Variants in PPIH observed in about 807,000 individuals in gnomAD.
PPIH encodes peptidyl-prolyl cis-trans isomerase H.
PPIH carries 16 observed loss-of-function variants against 27.6 expected under a neutral mutation model. The ratio of observed to expected loss-of-function variants is 0.58; its 90% confidence interval spans 0.39 to 0.88. PPIH has a LOEUF of 0.88. Among genes scored for constraint, PPIH ranks in the 40% least tolerant of loss-of-function variants. PPIH has a pLI of 0.00. For synonymous variants in PPIH, 63 were observed against 76.1 expected (o/e 0.83, Z 0.90); for missense variants, 155 against 224.1 (o/e 0.69, Z 1.97).
At chr1:42,671,902 G>A (rs1286811899) in intron 9 of PPIH, among the ~76,000 whole-genome samples, 3 of 136,026 alleles carry the variant, frequency 2.2e-5, no homozygotes, top group African/African-American at 2.8e-5. Context: ...TTTTTTTTTC[G>A]AGACGGAGTC....
intron 2 of PPIH, 94 bp from the exon 3 acceptor site, chr1:42,659,134 T>TTGCTGGC: frequency 6.4e-7 from 1 of 1,566,792 alleles, no homozygotes; most frequent in Non-Finnish European, 8.7e-7. Context: ...ATTGGTGGAC[T>TTGCTGGC]TGCTGGCTCC....
At chr1:42,679,982 T>A (rs2148731989), downstream of PPIH, among the ~76,000 whole-genome samples, 1 of 152,340 alleles carries the variant, frequency 6.6e-6, no homozygotes, top group South Asian at 2.1e-4. Context: ...ACGAATCTTT[T>A]AAGGTATTAT....
chr1:42,681,600 T>C (rs933267648), downstream of PPIH: 1 of 152,158 alleles, frequency 6.6e-6, no homozygotes, highest in Non-Finnish European at 1.5e-5. Context: ...GTTGCAGGAA[T>C]AAAGTGAAAA....
intron 4 of PPIH, 86 bp downstream of exon 4, chr1:42,659,652 G>C (rs976236370): frequency 6.6e-7 from 1 of 1,523,746 alleles, no homozygotes; most frequent in African/African-American, 1.4e-5. Context: ...AAACCAGAGG[G>C]TAATTCTTAC....
At chr1:42,680,904 G>A (rs574673685), downstream of PPIH, among the ~76,000 whole-genome samples, 1 of 152,198 alleles carries the variant, frequency 6.6e-6, no homozygotes, top group South Asian at 2.1e-4. Flanking sequence ...CCTACCCCTT[G>A]CTCTAAGCAA....
At chr1:42,662,957 A>G (rs1251858195) in intron 5 of PPIH, among the ~76,000 whole-genome samples, 2 of 152,198 alleles carry the variant, frequency 1.3e-5, no homozygotes, top group Non-Finnish European at 2.9e-5. Context: ...TAGCCACCTA[A>G]TATTTCATTA....
intron 5 of PPIH, 190 bp downstream of exon 5, chr1:42,661,094 C>T: frequency 1.7e-6 from 1 of 575,408 alleles, no homozygotes; most frequent in Non-Finnish European, 3.1e-6. Context: ...CTGTAGATAA[C>T]CGACTTTAGC....
downstream of PPIH, chr1:42,681,323 G>C (rs1650011227): frequency 6.6e-6 from 1 of 152,148 alleles, no homozygotes; most frequent in East Asian, 1.9e-4. Flanking sequence ...CCCTGTGCGC[G>C]GAAAGTCAGC....
At chr1:42,667,975 T>G (rs1278322455) in intron 9 of PPIH, among the ~76,000 whole-genome samples, 1 of 152,190 alleles carries the variant, frequency 6.6e-6, no homozygotes, top group Non-Finnish European at 1.5e-5. Context: ...TAATTACCAC[T>G]GCCTGCTCTG....
intron 5 of PPIH, among the ~76,000 whole-genome samples, chr1:42,664,083 A>G (rs931689616): frequency 2.0e-5 from 3 of 152,236 alleles, no homozygotes; most frequent in Non-Finnish European, 1.5e-5. Flanking sequence ...AATGCAAATA[A>G]AGCTAGTTTA....
At chr1:42,673,968 G>A (rs1244177290) in intron 9 of PPIH, among the ~76,000 whole-genome samples, 1 of 152,234 alleles carries the variant, frequency 6.6e-6, no homozygotes, top group Non-Finnish European at 1.5e-5. Flanking sequence ...CATTCCCGTA[G>A]GGGAAGATTA....
Position 42,658,881 on chromosome 1 carries a change from T to C in PPIH, c.104T>C (p.Val35Ala), listed in dbSNP as rs1327282845. 1 of 1,614,206 alleles carries C rather than the reference T, an allele frequency of 6.2e-7. No individual in the cohort carries two copies. Reference sequence around the variant, plus strand: ...ATGAAGATCGAGCTCTTTGCAGACGTTGTGCCTAAGACGGCCGAGAACTTT... The same window carrying C: ...ATGAAGATCGAGCTCTTTGCAGACGCTGTGCCTAAGACGGCCGAGAACTTT... Reference protein sequence around the residue: ...GRMKIELFADVVPKTAENFRQ... With the variant: ...GRMKIELFADAVPKTAENFRQ... Residue 35 changes from valine (V) to alanine (A), a missense_variant, in exon 2 of 10, where the codon GTT (valine) becomes GCT (alanine). Coordinates refer to ENST00000304979, the MANE Select transcript of PPIH (RefSeq NM_006347.4).
chr1:42,658,590 G>C lies in PPIH; in HGVS notation c.66+78G>C, dbSNP rs114212268. 2,074 of 1,483,528 alleles carry C rather than the reference G, an allele frequency of 1.4e-3. 27 individuals carry two copies. In the African/African-American group the frequency reaches 0.024, roughly 17 times the overall value. The allele number at this position is 1,483,528 out of a possible 1,614,324, so 91.9% of individuals were successfully genotyped here. ...TAGGCAGGCAGAACTCACCCAGAGA[G>C]AGCGGACTCGGGAAGCCAGCCAGAA... On this transcript the variant is annotated intron_variant, in intron 1 of 9. Coordinates refer to ENST00000304979, the MANE Select transcript of PPIH (RefSeq NM_006347.4).
At chr1:42,676,072 G>C (rs948080660) in intron 9 of PPIH, among the ~76,000 whole-genome samples, 1 of 152,194 alleles carries the variant, frequency 6.6e-6, no homozygotes, top group Admixed American at 6.5e-5. Context: ...TGGTTCTTTT[G>C]TAATTTACTG....
At chr1:42,674,028 C>G (rs976147348) in intron 9 of PPIH, among the ~76,000 whole-genome samples, 3 of 152,320 alleles carry the variant, frequency 2.0e-5, no homozygotes, top group Middle Eastern at 3.4e-3. Flanking sequence ...CATTCCACAA[C>G]TAAGCGCTGA....
At chr1:42,671,066 G>C (rs566883385) in intron 9 of PPIH, among the ~76,000 whole-genome samples, 5 of 152,256 alleles carry the variant, frequency 3.3e-5, no homozygotes, top group Admixed American at 1.3e-4. Flanking sequence ...AAAGTGCTGG[G>C]ATTATAGGCG....
chr1:42,666,480 A>G (rs747938793), intron 7 of PPIH, 67 bp from the exon 8 acceptor site: 12 of 1,490,926 alleles, frequency 8.0e-6, no homozygotes, highest in Non-Finnish European at 9.3e-6. Flanking sequence ...ATAGCTAAGA[A>G]TGGGCTTTGG....
chr1:42,667,406 G>T lies in PPIH; in HGVS notation c.521G>T (p.Cys174Phe), dbSNP rs1649400151. Residue 174 changes from cysteine to phenylalanine, a missense_variant, in exon 9 of 10, where the codon TGT (cysteine) becomes TTT (phenylalanine). Coordinates refer to ENST00000304979, the MANE Select transcript of PPIH (RefSeq NM_006347.4). ...AAGCTACCTGTGGTGATCTCGCAGTGTGGGGAGATGTAGTCCAGACAAAGA... is the reference window on the plus strand; with the variant it reads ...AAGCTACCTGTGGTGATCTCGCAGTTTGGGGAGATGTAGTCCAGACAAAGA... The part of the protein sequence containing the change: ...KPKLPVVISQ[C>F]GEM The T allele has an allele frequency of 6.2e-7, 1 of 1,601,954 alleles. No homozygotes were observed. Among genetic ancestry groups the T allele is most frequent in the Non-Finnish European group, 8.6e-7 (1 of 1,169,230 alleles).
At chr1:42,678,748 A>G (rs1379603588), downstream of PPIH, 1 of 152,240 alleles carries the variant, frequency 6.6e-6, no homozygotes, top group Non-Finnish European at 1.5e-5. Flanking sequence ...CAACACCTGG[A>G]AGAACTGAGC....
Sources: allele counts gnomAD v4.1 joint callset (sites outside exome capture counted in the v4.1 genomes callset), GRCh38; gene constraint gnomAD v4.1.1; transcripts MANE v1.5; gene names NCBI Gene and HGNC (gene_info 2026-07-23, HGNC 2026-07-21).